PUS10: variants seen among roughly 807,000 people sequenced by gnomAD.
The protein encoded by PUS10 is tRNA pseudouridine synthase Pus10.
In PUS10, 59 loss-of-function variants were observed where a neutral mutation model predicts 75.0. The observed-to-expected ratio is 0.79, with a 90% CI of 0.64 to 0.98. The LOEUF (loss-of-function observed/expected upper bound fraction) is 0.98, where lower values mean the gene tolerates loss of function less well. PUS10 is among the 50% of genes least tolerant of loss of function. The pLI, the probability that PUS10 is intolerant of heterozygous loss-of-function variation, is 0.00. For missense variants in PUS10, 650 were observed against 614.4 expected, an observed-to-expected ratio of 1.06 and a Z score of -0.61; for synonymous variants, 219 against 211.6, an observed-to-expected ratio of 1.03 and a Z score of -0.30.
At chr2:60,960,269 AG>A in intron 11 of PUS10, 122 bp downstream of exon 11, 1 of 688,960 alleles carries the variant, frequency 1.5e-6, no homozygotes, top group African/African-American at 1.9e-5. Context: ...GTTTGAGCCC[AG>A]GAAGTCAAGG....
chr2:60,962,906 T>C lies in PUS10; in HGVS notation c.724-16A>G. 1 of 1,538,016 alleles carries C rather than the reference T, an allele frequency of 6.5e-7. No individual in the cohort carries two copies. The highest frequency in any genetic ancestry group is 8.7e-7 in the Non-Finnish European group (1 of 1,151,954). ...TGAATACAGACTATATAGGGTAAAA[T>C]GAGAAGAAAAGACATTTTATTATCC... is the stretch of plus-strand genomic sequence containing the variant. On this transcript the variant is annotated splice_polypyrimidine_tract_variant and intron_variant, in intron 8 of 17. Coordinates refer to ENST00000316752, the MANE Select transcript of PUS10 (RefSeq NM_144709.4).
chr2:61,017,643 G>A (rs1057360936), intron 1 of PUS10: 3 of 736,372 alleles, frequency 4.1e-6, no homozygotes, highest in African/African-American at 3.5e-5. Flanking sequence ...CTGACTGCAA[G>A]GGTGGGCGGG....
In PUS10 at chr2:60,960,535, A is replaced by G. The variant is rs1573408439; in HGVS notation, c.875-18T>C. Reference sequence around the variant, plus strand: ...ATATCTCCCTGAGAAAGAAATAATCAGATAGCCTGGATGGAATGGAGTAAT... The same window carrying G: ...ATATCTCCCTGAGAAAGAAATAATCGGATAGCCTGGATGGAATGGAGTAAT... On this transcript the variant is annotated intron_variant, in intron 10 of 17. Transcript: ENST00000316752. 6.4e-7 allele frequency: 1 copy of G among 1,563,756 alleles called. No homozygotes were observed. The highest frequency in any genetic ancestry group is 8.6e-7 in the Non-Finnish European group (1 of 1,161,126).
intron 4 of PUS10, among the ~76,000 whole-genome samples, chr2:60,989,611 C>T (rs1375557896): frequency 6.6e-6 from 1 of 152,004 alleles, no homozygotes; most frequent in South Asian, 2.1e-4. Flanking sequence ...TCTTTATTCA[C>T]ATATCTAGCT....
chr2:60,962,830 G>T lies in PUS10; in HGVS notation c.784C>A (p.Leu262Ile). 1 of 1,582,790 alleles carries T rather than the reference G, an allele frequency of 6.3e-7. No individual in the cohort carries two copies. ...TGTTTCTAAACTTCTACTTACTTAA[G>T]GAAATCCTCTTCCTTTATCTTATTC... ...ALNKIKEEDFLKQFPCPPNSP... is the reference protein window; with the variant it reads ...ALNKIKEEDFIKQFPCPPNSP... Residue 262 changes from leucine to isoleucine, a missense_variant, in exon 9 of 18, where the codon CTT becomes ATT. Physicochemically the swap from Leu to Ile is conservative, Grantham distance 5 (BLOSUM62 2). Transcript: ENST00000316752.
At position 60,960,462 on chromosome 2, in the gene PUS10, T is replaced by G. The variant is rs760530572; in HGVS notation, c.930A>C (p.Gly310=). 3 of 1,575,496 alleles carry G rather than the reference T, an allele frequency of 1.9e-6. No individual in the cohort carries two copies. Among genetic ancestry groups the G allele is most frequent in the South Asian group, 2.4e-5 (2 of 83,788 alleles). The stretch of plus-strand genomic sequence containing the variant: ...CCACTGAAGATTCCAGCTTCCTTTC[T>G]CCATCAATTATCCAAGGAGTTTGTG... ...NLPQTPWIID[G]ERKLESSVEE... Residue 310 remains glycine, a synonymous_variant, in exon 11 of 18, where the codon GGA becomes GGC. Transcript: ENST00000316752.
chr2:60,946,676 A>C lies in PUS10; in HGVS notation c.1451+1367T>G, dbSNP rs370630473. ...AAGATTTTAAGAGTAGATAACCTAT[A>C]CTTGGCTTAGCTGAGTAAATCCAGG... On this transcript the variant is annotated intron_variant, in intron 16 of 17. Coordinates refer to ENST00000316752, the MANE Select transcript of PUS10 (RefSeq NM_144709.4). Among the ~76,000 whole-genome samples the C allele has an allele frequency of 7.0e-4, 107 of 152,320 alleles. 1 individual carries two copies. In the South Asian group the frequency reaches 0.022, roughly 31 times the overall value.
At chr2:60,958,626 G>A (rs1483620523) in intron 11 of PUS10, among the ~76,000 whole-genome samples, 2 of 152,180 alleles carry the variant, frequency 1.3e-5, no homozygotes, top group Non-Finnish European at 2.9e-5. Context: ...GTTCACGCCT[G>A]TAATCTCAGC....
chr2:60,968,029 T>C (rs1468780307), intron 5 of PUS10, among the ~76,000 whole-genome samples: 2 of 152,172 alleles, frequency 1.3e-5, no homozygotes, highest in Admixed American at 6.5e-5. Context: ...TTTCCCCTCT[T>C]GTTGAAAATG....
At chr2:60,949,305 C>T (rs1162354250) in intron 15 of PUS10, among the ~76,000 whole-genome samples, 4 of 152,158 alleles carry the variant, frequency 2.6e-5, no homozygotes, top group African/African-American at 9.7e-5. Context: ...ATGGCTTCCA[C>T]TTTAGAGAAA....
intron 11 of PUS10, among the ~76,000 whole-genome samples, chr2:60,955,981 A>G (rs1007450886): frequency 2.0e-5 from 3 of 152,212 alleles, no homozygotes; most frequent in Non-Finnish European, 4.4e-5. Flanking sequence ...TTCATTATAT[A>G]TGATTATACA....
intron 5 of PUS10, 76 bp downstream of exon 5, chr2:60,971,447 T>C (rs1676656348): frequency 8.0e-7 from 1 of 1,257,124 alleles, no homozygotes; most frequent in Non-Finnish European, 1.2e-6. Context: ...ATAGAGATTG[T>C]AGTAGTAAAA....
chr2:60,960,898 G>A (rs1460690361), intron 10 of PUS10, among the ~76,000 whole-genome samples: 1 of 147,290 alleles, frequency 6.8e-6, no homozygotes, highest in Non-Finnish European at 1.5e-5. Context: ...GATGAGTAAA[G>A]CTACAGTAAG....
At position 60,990,332 on chromosome 2, in the gene PUS10, A is replaced by G. The variant is rs558131520; in HGVS notation, c.468+16225T>C. ...ACAACTAAAAAAAAATTGCATGAAG[A>G]CATCAGAAAGTTAACAAGGTAGTGA... On this transcript the variant is annotated intron_variant, in intron 4 of 17. Coordinates refer to ENST00000316752, the MANE Select transcript of PUS10 (RefSeq NM_144709.4). 3.3e-5 allele frequency among the ~76,000 whole-genome samples: 5 copies of G among 152,330 alleles called. No individual in the cohort carries two copies. In the East Asian group the frequency reaches 7.7e-4, roughly 24 times the overall value.
At chr2:60,966,842 G>C (rs1320315016) in intron 6 of PUS10, 1 of 152,268 alleles carries the variant, frequency 6.6e-6, no homozygotes, top group Non-Finnish European at 1.5e-5. Context: ...CTGATATTCA[G>C]GGAATTTCCT....
intron 5 of PUS10, among the ~76,000 whole-genome samples, chr2:60,969,461 A>C (rs925564242): frequency 3.9e-5 from 6 of 152,242 alleles, no homozygotes. Flanking sequence ...AAGTAAATTC[A>C]GTCCCCATTT....
At chr2:61,014,027 A>G (rs1679807789) in intron 1 of PUS10, among the ~76,000 whole-genome samples, 1 of 151,954 alleles carries the variant, frequency 6.6e-6, no homozygotes, top group East Asian at 1.9e-4. Context: ...TTATATGACT[A>G]AATGGCAACC....
intron 4 of PUS10, among the ~76,000 whole-genome samples, chr2:60,994,152 T>G (rs931948706): frequency 8.6e-5 from 13 of 151,610 alleles, no homozygotes; most frequent in African/African-American, 2.9e-4. Context: ...TCCTTCTGCT[T>G]GGAGGGAAGA....
chr2:60,980,026 A>T (rs145007015), intron 4 of PUS10, among the ~76,000 whole-genome samples: 44 of 152,328 alleles, frequency 2.9e-4, no homozygotes, highest in Non-Finnish European at 5.9e-5. Flanking sequence ...GGAAATAACA[A>T]GAGGAAATTC....
Sources: allele counts gnomAD v4.1 joint callset (sites outside exome capture counted in the v4.1 genomes callset), GRCh38; gene constraint gnomAD v4.1.1; transcripts MANE v1.5; gene names NCBI Gene and HGNC (gene_info 2026-07-23, HGNC 2026-07-21).